PLA2G4C: variants seen among roughly 807,000 people sequenced by gnomAD.
PLA2G4C encodes phospholipase A2 group IVC, also known as cytosolic phospholipase A2 gamma.
Under a neutral mutation model 73.8 loss-of-function variants are expected in PLA2G4C, and 64 were observed. The observed-to-expected ratio is 0.87, with a 90% CI of 0.71 to 1.07. The LOEUF is 1.07. PLA2G4C is among the 50% of genes least tolerant of loss of function. PLA2G4C has a pLI of 0.00. For synonymous variants in PLA2G4C, 254 were observed against 252.1 expected (o/e 1.01, Z -0.07); for missense variants, 622 against 665.4 (o/e 0.93, Z 0.72).
chr19:48,101,600 C>A (rs900574351), intron 4 of PLA2G4C, among the ~76,000 whole-genome samples: 1 of 151,644 alleles, frequency 6.6e-6, no homozygotes, highest in Non-Finnish European at 1.5e-5. Flanking sequence ...AACACTGGTA[C>A]TCCATTCAGT....
At chr19:48,090,154 C>A in intron 8 of PLA2G4C, 1 of 543,548 alleles carries the variant, frequency 1.8e-6, no homozygotes, top group Non-Finnish European at 3.3e-6. Flanking sequence ...TTACATGTAC[C>A]AGAGCAACAT....
intron 1 of PLA2G4C, among the ~76,000 whole-genome samples, chr19:48,109,816 A>AT (rs1454934808): frequency 2.0e-5 from 3 of 151,518 alleles, no homozygotes; most frequent in Admixed American, 2.0e-4. Context: ...CGCCCAGCTA[A>AT]TTTTTTGTAT....
At chr19:48,052,453 T>C (rs1003059444) in intron 16 of PLA2G4C, among the ~76,000 whole-genome samples, 7 of 152,012 alleles carry the variant, frequency 4.6e-5, no homozygotes, top group African/African-American at 1.7e-4. Flanking sequence ...TTCTCTGCCA[T>C]GGTAAAGATG....
rs1272667812 is a variant in PLA2G4C at position 48,072,509 on chromosome 19, T to C, written c.1006+2258A>G. On this transcript the variant is annotated intron_variant, in intron 12 of 16. Transcript: ENST00000599921. The surrounding 1 kb of genome is among the most constrained non-coding windows in gnomAD (Gnocchi z 4.4). ...GTCAGTAGATGAACTCTGGCTGACT[T>C]TCCCCACATTTCCACTTGGTAGGCT... is the stretch of plus-strand genomic sequence containing the variant. The C allele has an allele frequency of 6.6e-6, 1 of 152,208 alleles. No homozygotes were observed. Among genetic ancestry groups the C allele is most frequent in the Admixed American group, 6.5e-5 (1 of 15,274 alleles). 9.4% of individuals were successfully genotyped at this position (152,208 alleles called of 1,614,324 possible).
chr19:48,068,033 T>G (rs1350273070), intron 12 of PLA2G4C, 147 bp from the exon 13 acceptor site: 3 of 662,308 alleles, frequency 4.5e-6, no homozygotes, highest in East Asian at 5.2e-5. Context: ...GGCCGGCGCG[T>G]TGGCTCACGC....
chr19:48,051,595 G>T (rs1049115526), intron 16 of PLA2G4C, among the ~76,000 whole-genome samples: 1 of 151,912 alleles, frequency 6.6e-6, no homozygotes, highest in African/African-American at 2.4e-5. Flanking sequence ...AGGGGAAACT[G>T]CCACTTAAAA....
At position 48,053,062 on chromosome 19, in the gene PLA2G4C, T is replaced by C. The variant is rs201050467; in HGVS notation, c.1515A>G (p.Ala505=). The change falls in exon 16 of 17, where the codon GCA becomes GCG. Residue 505 remains alanine, a synonymous_variant. Transcript: ENST00000599921. ...TTTCCCTGACATTCTTCTTGGCTAATGCCAAGAGTAGCACCACCACATCTA... is the reference window on the plus strand; with the variant it reads ...TTTCCCTGACATTCTTCTTGGCTAACGCCAAGAGTAGCACCACCACATCTA... ...YTLDVVVLLL[A]LAKKNVRENK... 6 of 1,612,218 alleles carry C rather than the reference T, an allele frequency of 3.7e-6. No homozygotes were observed. The highest frequency in any genetic ancestry group is 3.3e-5 in the South Asian group (3 of 91,014).
Position 48,110,727 on chromosome 19 carries a change from A to G in PLA2G4C, c.-273T>C, listed in dbSNP as rs1220668463. ...GAGGTGTTTCCTCCTGGTCCTGAGC[A>G]GGGCCAACCTGGAGGTAAAATGGCC... On this transcript the variant is annotated 5_prime_UTR_variant, in exon 1 of 17. Transcript: ENST00000599921. 9.1e-6 allele frequency: 4 copies of G among 441,648 alleles called. No individual in the cohort carries two copies. The Admixed American group carries it at 1.9e-4, about 20-fold the overall frequency. The allele number at this position is 441,648 out of a possible 1,614,324, so 27.4% of individuals were successfully genotyped here. A position where few individuals can be genotyped will look rare whatever the true frequency, so the allele number is the denominator to read the frequency against.
At chr19:48,094,235 C>T (rs2031457054) in intron 7 of PLA2G4C, among the ~76,000 whole-genome samples, 2 of 152,160 alleles carry the variant, frequency 1.3e-5, no homozygotes, top group Admixed American at 1.3e-4. Flanking sequence ...TAGTCACTCT[C>T]CAGTCCCTTA....
intron 12 of PLA2G4C, chr19:48,073,147 G>T (rs1052883416): frequency 6.6e-6 from 1 of 152,614 alleles, no homozygotes; most frequent in African/African-American, 2.4e-5. Flanking sequence ...TTGGGCTCAA[G>T]TGATCCTCCT....
Position 48,067,779 on chromosome 19 carries a change from G to C in PLA2G4C, c.1102+12C>G. ...AGGACAGACCAGGGCGGTGGGAAGAGGGTCTTCTCACCGTGTTTGTACAGG... is the reference window on the plus strand; with the variant it reads ...AGGACAGACCAGGGCGGTGGGAAGACGGTCTTCTCACCGTGTTTGTACAGG... On this transcript the variant is annotated intron_variant, in intron 13 of 16. Transcript: ENST00000599921. 6.4e-7 allele frequency: 1 copy of C among 1,551,888 alleles called. No homozygotes were observed. Among genetic ancestry groups the C allele is most frequent in the Non-Finnish European group, 8.9e-7 (1 of 1,123,524 alleles).
At chr19:48,106,185 T>C (rs1339679531) in intron 2 of PLA2G4C, among the ~76,000 whole-genome samples, 1 of 150,698 alleles carries the variant, frequency 6.6e-6, no homozygotes, top group Admixed American at 6.7e-5. Context: ...GGGACTCAAG[T>C]GATCCTCATG....
At chr19:48,107,477 C>T (rs2032292601) in intron 1 of PLA2G4C, among the ~76,000 whole-genome samples, 1 of 152,172 alleles carries the variant, frequency 6.6e-6, no homozygotes, top group Non-Finnish European at 1.5e-5. Context: ...AGTGTGAGCC[C>T]TCTGTCATGC....
intron 14 of PLA2G4C, chr19:48,061,343 A>G (rs1968162246): frequency 6.5e-6 from 1 of 152,770 alleles, no homozygotes. Context: ...TACTGTGCTA[A>G]GCACTTCACA....
At position 48,054,923 on chromosome 19, in the gene PLA2G4C, G is replaced by C; in HGVS notation, c.1384C>G (p.Pro462Ala). 6.2e-7 allele frequency: 1 copy of C among 1,613,964 alleles called. No homozygotes were observed. Among genetic ancestry groups the C allele is most frequent in the Non-Finnish European group, 8.5e-7 (1 of 1,180,018 alleles). The change falls in exon 15 of 17, where the codon CCA (proline) becomes GCA (alanine). Residue 462 changes from proline (P) to alanine (A), a missense_variant. Pro to Ala is a conservative substitution (Grantham distance 27, BLOSUM62 -1). Coordinates refer to ENST00000599921, the MANE Select transcript of PLA2G4C (RefSeq NM_003706.3). ...SCYILKGETG[P>A]VVMHFPLFNI... is the part of the protein sequence containing the mutation. The stretch of plus-strand genomic sequence containing the variant: ...AACAGGGGAAAATGCATCACCACTG[G>C]TCCAGTTTCTCCTTTCAGGATGTAG...
At chr19:48,073,846 A>G (rs375167716) in intron 12 of PLA2G4C, among the ~76,000 whole-genome samples, 20 of 151,976 alleles carry the variant, frequency 1.3e-4, no homozygotes, top group African/African-American at 4.8e-4. Context: ...AACTCAGAGC[A>G]AGCACTTACT....
chr19:48,080,993 C>CAAAA (rs34388817), intron 10 of PLA2G4C, among the ~76,000 whole-genome samples: 20 of 102,872 alleles, frequency 1.9e-4, no homozygotes, highest in African/African-American at 7.1e-4. Flanking sequence ...ACTAAAAATA[C>CAAAA]AAAAAAAAAA....
At chr19:48,083,394 T>TTTTTTTTTTTTTTTTTTTTTTCTTTTC (rs2030751273) in intron 10 of PLA2G4C, among the ~76,000 whole-genome samples, 1 of 15,902 alleles carries the variant, frequency 6.3e-5, no homozygotes, top group Non-Finnish European at 1.4e-4. Flanking sequence ...TTTCTTTTCT[T>TTTTTTTTTTTTTTTTTTTTTTCTTTTC]TTTTTTTTTT....
intron 13 of PLA2G4C, among the ~76,000 whole-genome samples, chr19:48,065,350 G>C (rs1391967182): frequency 6.6e-6 from 1 of 151,986 alleles, no homozygotes; most frequent in East Asian, 1.9e-4. Flanking sequence ...GCTCACACCT[G>C]TGCACCTATA....
Sources: allele counts gnomAD v4.1 joint callset (sites outside exome capture counted in the v4.1 genomes callset), GRCh38; gene constraint gnomAD v4.1.1; non-coding constraint Gnocchi (gnomAD v3.1); transcripts MANE v1.5; gene names NCBI Gene and HGNC (gene_info 2026-07-23, HGNC 2026-07-21).